The following LRRC75A variants were observed in gnomAD, a reference collection of about 807,000 sequenced individuals.
LRRC75A encodes the protein leucine-rich repeat-containing protein 75A.
A neutral mutation model predicts 26.0 loss-of-function variants in LRRC75A; 12 were observed. The ratio of observed to expected loss-of-function variants is 0.46; its 90% CI spans 0.30 to 0.75. The LOEUF is 0.75. Ranked by LOEUF, LRRC75A falls within the 30% of genes least tolerant of loss-of-function variation. LRRC75A has a pLI of 0.08. For missense variants in LRRC75A, 410 were observed against 486.6 expected (o/e 0.84, Z 1.48); for synonymous variants, 223 against 219.3 (o/e 1.02, Z -0.15).
At chr17:16,469,389 C>T (rs919623145) in intron 1 of LRRC75A, among the ~76,000 whole-genome samples, 3 of 152,160 alleles carry the variant, frequency 2.0e-5, no homozygotes, top group African/African-American at 7.2e-5. Context: ...TCTTCTGGAT[C>T]GTGCTGTAGA....
At chr17:16,478,496 TAA>T (rs1298144454) in intron 1 of LRRC75A, 1 of 152,186 alleles carries the variant, frequency 6.6e-6, no homozygotes, top group African/African-American at 2.4e-5. Flanking sequence ...TCCCATTTTC[TAA>T]AAGAGTCTAA....
At chr17:16,474,768 G>A (rs1266305072) in intron 1 of LRRC75A, among the ~76,000 whole-genome samples, 1 of 152,064 alleles carries the variant, frequency 6.6e-6, no homozygotes, top group Non-Finnish European at 1.5e-5. Context: ...GCCGAGGCAG[G>A]TGGATCACGA....
In LRRC75A at chr17:16,491,816, G is replaced by C; in HGVS notation, c.175C>G (p.Gln59Glu). ...PPYHRRVGMV[Q>E]ELLRMVRQGR... ...TGGCGCACCATCCGCAGCAGCTCCT[G>C]GACCATGCCGACTCGCCGGTGGTAG... Residue 59 changes from glutamine (Q) to glutamate (E), a missense_variant, in exon 1 of 4, where the codon CAG becomes GAG. By Grantham distance (29) the Gln-to-Glu change is conservative (BLOSUM62 2). Transcript: ENST00000470794. This position sits in a 1 kb window ranked among gnomAD's most constrained non-coding sequence, Gnocchi z 5.9. 1 of 1,415,702 alleles carries C rather than the reference G, an allele frequency of 7.1e-7. No individual in the cohort carries two copies. The highest frequency in any genetic ancestry group is 9.2e-7 in the Non-Finnish European group (1 of 1,082,408). 87.7% of individuals were successfully genotyped at this position (1,415,702 alleles called of 1,614,324 possible).
At chr17:16,452,071 G>A (rs2093636575) in intron 2 of LRRC75A, among the ~76,000 whole-genome samples, 1 of 151,768 alleles carries the variant, frequency 6.6e-6, no homozygotes. Flanking sequence ...CCACTGATGG[G>A]CCAGGTGCTG....
rs1216984953 is a variant in LRRC75A at position 16,462,635 on chromosome 17, C to G, written c.247-249G>C. 6.6e-6 allele frequency among the ~76,000 whole-genome samples: 1 copy of G among 152,228 alleles called. No homozygotes were observed. The highest frequency in any genetic ancestry group is 6.5e-5 in the Admixed American group (1 of 15,286). On this transcript the variant is annotated intron_variant, in intron 1 of 3. Coordinates refer to ENST00000470794, the MANE Select transcript of LRRC75A (RefSeq NM_001113567.3). This position sits in a 1 kb window ranked among gnomAD's most constrained non-coding sequence, Gnocchi z 4.6. ...TTTGTGCAGGTCCTGGCTTGTGGCC[C>G]TCTCCTAGGACAGCCCCTGACCTTT...
chr17:16,451,621 C>CA (rs1047064470), intron 2 of LRRC75A, among the ~76,000 whole-genome samples: 40 of 83,268 alleles, frequency 4.8e-4, no homozygotes, highest in African/African-American at 1.1e-3. Flanking sequence ...GACTCCATCT[C>CA]AAAAAAAAAA....
chr17:16,475,366 A>G (rs1372042904), intron 1 of LRRC75A, among the ~76,000 whole-genome samples: 2 of 152,116 alleles, frequency 1.3e-5, no homozygotes, highest in Non-Finnish European at 2.9e-5. Flanking sequence ...ATTGGCTCAC[A>G]TGATTGTGGG....
At chr17:16,465,364 C>G (rs773557644) in intron 1 of LRRC75A, among the ~76,000 whole-genome samples, 13 of 152,216 alleles carry the variant, frequency 8.5e-5, no homozygotes, top group Non-Finnish European at 1.9e-4. Context: ...ATTCATTTCC[C>G]TATCTGTGAA....
At chr17:16,445,157 CATT>C (rs2093571671) in intron 3 of LRRC75A, among the ~76,000 whole-genome samples, 1 of 91,566 alleles carries the variant, frequency 1.1e-5, no homozygotes, top group African/African-American at 4.0e-5. Flanking sequence ...CCATTTTCTG[CATT>C]TTTTTTTTTT....
Position 16,442,429 on chromosome 17 carries a change from G to A in LRRC75A, c.*1159C>T, listed in dbSNP as rs1325651525. 6.6e-6 allele frequency: 1 copy of A among 152,270 alleles called. No individual in the cohort carries two copies. Among genetic ancestry groups the A allele is most frequent in the African/African-American group, 2.4e-5 (1 of 41,460 alleles). The allele number at this position is 152,270 out of a possible 1,614,324, so 9.4% of individuals were successfully genotyped here. Reference sequence around the variant, plus strand: ...GATTGGCTCCCAGTCTTCCTGGACTGAACTACTTGGATCTAGGGGTTGCCT... The same window carrying A: ...GATTGGCTCCCAGTCTTCCTGGACTAAACTACTTGGATCTAGGGGTTGCCT... On this transcript the variant is annotated 3_prime_UTR_variant, in exon 4 of 4. Coordinates refer to ENST00000470794, the MANE Select transcript of LRRC75A (RefSeq NM_001113567.3).
intron 2 of LRRC75A, among the ~76,000 whole-genome samples, chr17:16,448,580 T>C (rs1256051290): frequency 1.3e-5 from 2 of 152,182 alleles, no homozygotes; most frequent in Non-Finnish European, 2.9e-5. Context: ...CTGAACTGTA[T>C]CCCGCTGACA....
chr17:16,487,534 G>A (rs145842437), intron 1 of LRRC75A, among the ~76,000 whole-genome samples: 113 of 152,276 alleles, frequency 7.4e-4, no homozygotes, highest in Middle Eastern at 6.8e-3. Context: ...TGCTTCCCAA[G>A]CTCAAGCCAT....
At position 16,462,276 on chromosome 17, in the gene LRRC75A, G is replaced by A; in HGVS notation, c.357C>T (p.Tyr119=). The stretch of plus-strand genomic sequence containing the variant: ...ACCCTACCGGCTTGGGACAGTGGAT[G>A]TAGCGTGCCAGGCTGATGATGAGGT... ...THDLIISLAR[Y]IHCPKPEGDA... Residue 119 remains tyrosine, a synonymous_variant, in exon 2 of 4, where the codon TAC becomes TAT. Transcript: ENST00000470794. The surrounding 1 kb of genome is among the most constrained non-coding windows in gnomAD (Gnocchi z 4.6). 1 of 1,614,112 alleles carries A rather than the reference G, an allele frequency of 6.2e-7. No individual in the cohort carries two copies. Among genetic ancestry groups the A allele is most frequent in the Non-Finnish European group, 8.5e-7 (1 of 1,179,994 alleles).
intron 1 of LRRC75A, among the ~76,000 whole-genome samples, chr17:16,471,069 GA>G (rs1405406848): frequency 6.6e-6 from 1 of 152,110 alleles, no homozygotes; most frequent in Admixed American, 6.5e-5. Flanking sequence ...ACCTCATTTG[GA>G]AAAAGGGTCT....
intron 2 of LRRC75A, among the ~76,000 whole-genome samples, chr17:16,453,018 C>T (rs1000706446): frequency 3.9e-5 from 6 of 152,160 alleles, no homozygotes; most frequent in Admixed American, 1.3e-4. Flanking sequence ...AGGCCGGGCG[C>T]GGTAGTTCAC....
intron 1 of LRRC75A, among the ~76,000 whole-genome samples, chr17:16,488,327 T>C (rs1329369914): frequency 6.6e-6 from 1 of 152,210 alleles, no homozygotes; most frequent in Non-Finnish European, 1.5e-5. Flanking sequence ...CTTCTAAATG[T>C]GCAGTGAGTT....
rs1177811500 is a variant in LRRC75A at position 16,443,470 on chromosome 17, G to T, written c.*118C>A. The T allele has an allele frequency of 1.1e-6, 1 of 919,078 alleles. No homozygotes were observed. Among genetic ancestry groups the T allele is most frequent in the Non-Finnish European group, 1.6e-6 (1 of 635,516 alleles). The allele number at this position is 919,078 out of a possible 1,614,324, so 56.9% of individuals were successfully genotyped here. On this transcript the variant is annotated 3_prime_UTR_variant, in exon 4 of 4. Transcript: ENST00000470794. ...ATGGTTTGCCTTTCTGTAGGTGGGTGGCCCAGGCCAATTTTTGGCAATATC... is the reference window on the plus strand; with the variant it reads ...ATGGTTTGCCTTTCTGTAGGTGGGTTGCCCAGGCCAATTTTTGGCAATATC...
chr17:16,479,973 CT>C (rs1262314417), intron 1 of LRRC75A, among the ~76,000 whole-genome samples: 1 of 152,216 alleles, frequency 6.6e-6, no homozygotes, highest in Non-Finnish European at 1.5e-5. Flanking sequence ...GTGTTCCCAC[CT>C]GAGCTCCGCC....
chr17:16,446,375 G>A (rs998824424), intron 3 of LRRC75A, among the ~76,000 whole-genome samples: 4 of 152,184 alleles, frequency 2.6e-5, no homozygotes, highest in Non-Finnish European at 5.9e-5. Flanking sequence ...ACTGTAGCGT[G>A]GGGCTGTGGC....
Sources: gnomAD v4.1 joint callset for allele counts (sites outside exome capture counted in the v4.1 genomes callset) on GRCh38, gnomAD v4.1.1 for gene constraint, Gnocchi (gnomAD v3.1) non-coding constraint, MANE v1.5 for transcripts, NCBI Gene and HGNC (gene_info 2026-07-23, HGNC 2026-07-21) for gene names.